RBPJ: variants seen among roughly 807,000 people sequenced by gnomAD.
The protein encoded by RBPJ is recombination signal binding protein for immunoglobulin kappa J region, also known as recombining binding protein suppressor of hairless.
A neutral mutation model predicts 67.8 loss-of-function variants in RBPJ; 9 were observed. The observed-to-expected ratio is 0.13, with a 90% CI of 0.08 to 0.23. The LOEUF is 0.23. Among genes scored for constraint, RBPJ ranks in the 10% least tolerant of loss-of-function variants. The pLI, the probability that RBPJ is intolerant of heterozygous loss-of-function variation, is 1.00. For missense variants in RBPJ, 305 were observed against 595.6 expected (o/e 0.51, Z 5.08); for synonymous variants, 198 against 203.3 (o/e 0.97, Z 0.22).
intron 1 of RBPJ, among the ~76,000 whole-genome samples, chr4:26,271,759 T>C (rs1198326550): frequency 6.6e-6 from 1 of 152,192 alleles, no homozygotes; most frequent in Non-Finnish European, 1.5e-5. Flanking sequence ...TCGCCTTCTA[T>C]GTGAAAGCCA....
At position 26,165,769 on chromosome 4, in the gene RBPJ, GGTTA is replaced by G. The variant is rs1216972803; in HGVS notation, c.-167+2160_-167+2163del. ...TTAGGGTACATGTGCACAATGTGCA[GGTTA>G]GTTACATATGTATACATGTGCTATG... is the stretch of plus-strand genomic sequence containing the variant. On this transcript the variant is annotated intron_variant, in intron 1 of 4. Coordinates refer to the RBPJ transcript ENST00000512351. Among the ~76,000 whole-genome samples, 27 of 151,296 alleles carry G rather than the reference GGTTA, an allele frequency of 1.8e-4. 1 individual carries two copies. The highest frequency in any genetic ancestry group is 3.4e-4 in the African/African-American group (14 of 41,104).
the RBPJ span, among the ~76,000 whole-genome samples, chr4:26,148,243 TA>T: frequency 9.1e-6 from 1 of 109,380 alleles, no homozygotes; most frequent in Non-Finnish European, 1.9e-5. Flanking sequence ...TGAGATGAAC[TA>T]CTTAAGGAAA....
At chr4:26,391,199 C>G (rs538784176) in intron 2 of RBPJ, among the ~76,000 whole-genome samples, 1 of 151,958 alleles carries the variant, frequency 6.6e-6, no homozygotes, top group East Asian at 1.9e-4. Context: ...TGCAAATAAC[C>G]TTGAAAAAAA....
At chr4:26,219,598 T>C (rs1213136817) in intron 1 of RBPJ, among the ~76,000 whole-genome samples, 1 of 152,188 alleles carries the variant, frequency 6.6e-6, no homozygotes, top group Admixed American at 6.5e-5. Context: ...CGTGAACTCT[T>C]TGTGTAGCAA....
upstream of RBPJ, among the ~76,000 whole-genome samples, chr4:26,316,370 TAC>T (rs1407058740): frequency 2.5e-3 from 370 of 146,486 alleles, 6 homozygotes; most frequent in Admixed American, 0.022. Flanking sequence ...CATTCATATA[TAC>T]ATTCATATAT....
chr4:26,306,790 A>G (rs1722253300), intron 1 of RBPJ, among the ~76,000 whole-genome samples: 1 of 152,096 alleles, frequency 6.6e-6, no homozygotes, highest in African/African-American at 2.4e-5. Context: ...GAAAATTCAA[A>G]TGGGTTAAAA....
intron 1 of RBPJ, among the ~76,000 whole-genome samples, chr4:26,348,756 C>G (rs1433977774): frequency 6.6e-6 from 1 of 151,758 alleles, no homozygotes; most frequent in African/African-American, 2.4e-5. Context: ...CAGAGTGGAG[C>G]GCAGTGGCGT....
In RBPJ at chr4:26,223,452, A is replaced by C. The variant is rs543798534; in HGVS notation, c.-167+59838A>C. Among the ~76,000 whole-genome samples, 106 of 152,370 alleles carry C rather than the reference A, an allele frequency of 7.0e-4. No homozygotes were observed. In the Middle Eastern group the frequency reaches 0.01, roughly 15 times the overall value. ...GAGGGCTCAGGGAAAATCTGCCTGAAGGAGGTTATGCCTGAGAGCGGTCTT... is the reference window on the plus strand; with the variant it reads ...GAGGGCTCAGGGAAAATCTGCCTGACGGAGGTTATGCCTGAGAGCGGTCTT... On this transcript the variant is annotated intron_variant, in intron 1 of 4. Transcript: ENST00000512351.
intron 1 of RBPJ, among the ~76,000 whole-genome samples, chr4:26,200,854 C>A (rs1017672392): frequency 6.6e-6 from 1 of 151,996 alleles, no homozygotes; most frequent in African/African-American, 2.4e-5. Flanking sequence ...GTATTTCACC[C>A]CTTTCATGTT....
At chr4:26,298,026 A>G (rs1187016846) in intron 1 of RBPJ, among the ~76,000 whole-genome samples, 1 of 152,208 alleles carries the variant, frequency 6.6e-6, no homozygotes, top group East Asian at 1.9e-4. Context: ...AATTAGCACA[A>G]TCACTGATAC....
the RBPJ span, among the ~76,000 whole-genome samples, chr4:26,153,185 A>G: frequency 0.012 from 1,844 of 152,348 alleles, 35 homozygotes; most frequent in African/African-American, 0.042. Context: ...ACCCATGTGG[A>G]CAATCTGTGG....
In RBPJ at chr4:26,177,565, G is replaced by A. The variant is rs116242444; in HGVS notation, c.-167+13951G>A. On this transcript the variant is annotated intron_variant, in intron 1 of 4. Transcript: ENST00000512351. ...GCACTCCAGCCTGTGCAACAAAGGGGAGACCCTGTCTCAATAAAAGAAGAA... is the reference window on the plus strand; with the variant it reads ...GCACTCCAGCCTGTGCAACAAAGGGAAGACCCTGTCTCAATAAAAGAAGAA... 4.6e-3 allele frequency among the ~76,000 whole-genome samples: 697 copies of A among 151,690 alleles called. 6 individuals carry two copies. Among genetic ancestry groups the A allele is most frequent in the African/African-American group, 0.016 (677 of 41,312 alleles).
the RBPJ span, among the ~76,000 whole-genome samples, chr4:26,107,513 C>T: frequency 1.8e-4 from 28 of 152,214 alleles, no homozygotes; most frequent in Non-Finnish European, 3.7e-4. Context: ...TGGGAAACAG[C>T]GGATATTATA....
intron 1 of RBPJ, among the ~76,000 whole-genome samples, chr4:26,354,827 T>C (rs571375785): frequency 2.6e-4 from 40 of 152,316 alleles, no homozygotes; most frequent in African/African-American, 8.7e-4. Context: ...ATTATTGTGA[T>C]GTAAAGGGGA....
At chr4:26,197,996 A>C (rs143014058) in intron 1 of RBPJ, among the ~76,000 whole-genome samples, 1 of 152,182 alleles carries the variant, frequency 6.6e-6, no homozygotes, top group East Asian at 1.9e-4. Flanking sequence ...CTCACTTCAC[A>C]CCTGTAATCC....
intron 1 of RBPJ, among the ~76,000 whole-genome samples, chr4:26,276,490 C>A (rs1472652662): frequency 2.0e-5 from 3 of 151,894 alleles, no homozygotes; most frequent in Non-Finnish European, 4.4e-5. Flanking sequence ...AATGAAATCG[C>A]CTCCTTGAAA....
intron 1 of RBPJ, among the ~76,000 whole-genome samples, chr4:26,371,776 T>A (rs1729182591): frequency 6.6e-6 from 1 of 152,226 alleles, no homozygotes; most frequent in Non-Finnish European, 1.5e-5. Flanking sequence ...GTGATTTCTT[T>A]GAAACATTAA....
chr4:26,408,433 A>G (rs1342227423), intron 3 of RBPJ, among the ~76,000 whole-genome samples: 3 of 147,854 alleles, frequency 2.0e-5, no homozygotes, highest in African/African-American at 7.5e-5. Flanking sequence ...GAAATTCAGT[A>G]TTTTTTTTTT....
At chr4:26,379,693 T>C (rs1182752665) in intron 1 of RBPJ, among the ~76,000 whole-genome samples, 1 of 152,048 alleles carries the variant, frequency 6.6e-6, no homozygotes, top group Non-Finnish European at 1.5e-5. Context: ...TCAAGAGATT[T>C]GGGTAAGAAC....
Sources: gnomAD v4.1 joint callset for allele counts (sites outside exome capture counted in the v4.1 genomes callset) on GRCh38, gnomAD v4.1.1 for gene constraint, MANE v1.5 for transcripts, NCBI Gene and HGNC (gene_info 2026-07-23, HGNC 2026-07-21) for gene names.